The following LUZP2 variants were observed in gnomAD, a reference collection of about 807,000 sequenced individuals.
The protein encoded by LUZP2 is leucine zipper protein 2.
LUZP2 carries 52 observed loss-of-function variants against 51.6 expected under a neutral mutation model. The observed-to-expected ratio is 1.01, with a 90% CI of 0.81 to 1.27. The LOEUF is 1.27. Among genes scored for constraint, LUZP2 ranks in the 50% most tolerant of loss-of-function variants. The probability of loss-of-function intolerance (pLI) is 0.00; values close to 1 mark genes in which losing one functional copy is unlikely to be tolerated. For synonymous variants in LUZP2, 154 were observed against 137.3 expected (o/e 1.12, Z -0.85); for missense variants, 436 against 395.4 (o/e 1.10, Z -0.87).
chr11:24,616,921 A>G (rs1286252746), intron 1 of LUZP2, among the ~76,000 whole-genome samples: 2 of 152,216 alleles, frequency 1.3e-5, no homozygotes, highest in Non-Finnish European at 2.9e-5. Flanking sequence ...GGCACACAGC[A>G]TGGTAAATCT....
chr11:24,877,740 C>T (rs1000633589), intron 5 of LUZP2, among the ~76,000 whole-genome samples: 4 of 152,136 alleles, frequency 2.6e-5, no homozygotes, highest in African/African-American at 9.7e-5. Context: ...CTCCCTCTCA[C>T]ATCACTCCCA....
intron 1 of LUZP2, among the ~76,000 whole-genome samples, chr11:24,631,395 T>C (rs1201011891): frequency 1.4e-5 from 2 of 140,594 alleles, no homozygotes; most frequent in African/African-American, 5.2e-5. Context: ...TTTTCTTTAT[T>C]GTTTTTTTTT....
At chr11:24,658,204 A>G (rs1855881248) in intron 1 of LUZP2, among the ~76,000 whole-genome samples, 2 of 152,242 alleles carry the variant, frequency 1.3e-5, no homozygotes, top group South Asian at 2.1e-4. Flanking sequence ...CCAAACCAGC[A>G]TGGTACTGGT....
In LUZP2 at chr11:24,915,675, T is replaced by A. The variant is rs564234200; in HGVS notation, c.522+1137T>A. Among the ~76,000 whole-genome samples, 5 of 151,932 alleles carry A rather than the reference T, an allele frequency of 3.3e-5. No homozygotes were observed. The South Asian group carries it at 8.3e-4, about 25-fold the overall frequency. ...GACAGATAGATAGATAGATGATAGA[T>A]AGATAGATGGATAGATAGATAGATA... On this transcript the variant is annotated intron_variant, in intron 7 of 11. Coordinates refer to ENST00000336930, the MANE Select transcript of LUZP2 (RefSeq NM_001009909.4).
intron 7 of LUZP2, among the ~76,000 whole-genome samples, chr11:24,958,586 T>A (rs1004310666): frequency 1.8e-4 from 27 of 152,188 alleles, no homozygotes; most frequent in African/African-American, 6.0e-4. Context: ...CTTCACCCAC[T>A]TTTTGATGGG....
intron 1 of LUZP2, among the ~76,000 whole-genome samples, chr11:24,640,101 C>T (rs1205279462): frequency 6.6e-6 from 1 of 151,832 alleles, no homozygotes; most frequent in Admixed American, 6.6e-5. Context: ...TTTTTGACAT[C>T]TGTATTTCAA....
At chr11:24,588,243 G>A (rs947243010) in intron 1 of LUZP2, among the ~76,000 whole-genome samples, 1 of 151,868 alleles carries the variant, frequency 6.6e-6, no homozygotes, top group Non-Finnish European at 1.5e-5. Context: ...ATCATAGATC[G>A]TGCAGTTCAC....
intron 5 of LUZP2, among the ~76,000 whole-genome samples, chr11:24,884,402 G>A (rs1852600850): frequency 6.6e-6 from 1 of 151,958 alleles, no homozygotes; most frequent in Non-Finnish European, 1.5e-5. Context: ...AGAATACCTG[G>A]CACAAAGTAA....
At chr11:24,610,838 A>T (rs1854094138) in intron 1 of LUZP2, among the ~76,000 whole-genome samples, 1 of 152,076 alleles carries the variant, frequency 6.6e-6, no homozygotes, top group Non-Finnish European at 1.5e-5. Flanking sequence ...CCAGCTACTC[A>T]AGAGACTGAG....
chr11:24,677,178 A>G (rs890136214), intron 1 of LUZP2, among the ~76,000 whole-genome samples: 1 of 152,180 alleles, frequency 6.6e-6, no homozygotes, highest in South Asian at 2.1e-4. Context: ...GCTGCCTGGC[A>G]CTATTGTAAC....
At chr11:24,940,948 T>A (rs1854730398) in intron 7 of LUZP2, among the ~76,000 whole-genome samples, 1 of 152,208 alleles carries the variant, frequency 6.6e-6, no homozygotes. Context: ...ACTTTTGTTT[T>A]GTTTTGTTTT....
At chr11:25,018,795 G>A (rs976156181) in intron 9 of LUZP2, among the ~76,000 whole-genome samples, 7 of 151,602 alleles carry the variant, frequency 4.6e-5, no homozygotes, top group Admixed American at 4.6e-4. Context: ...TTTAGTAGAG[G>A]TGGGGTTTTG....
At chr11:24,798,873 G>A (rs1488068717) in intron 5 of LUZP2, among the ~76,000 whole-genome samples, 1 of 152,130 alleles carries the variant, frequency 6.6e-6, no homozygotes, top group African/African-American at 2.4e-5. Context: ...AGTGGCCAAA[G>A]AAGTGCCACC....
At chr11:24,977,969 T>A (rs1216456117) in intron 8 of LUZP2, among the ~76,000 whole-genome samples, 2 of 151,612 alleles carry the variant, frequency 1.3e-5, no homozygotes, top group African/African-American at 4.8e-5. Context: ...ACCATTTATT[T>A]GCGAAAATTA....
intron 5 of LUZP2, among the ~76,000 whole-genome samples, chr11:24,898,663 G>T (rs959379519): frequency 6.6e-6 from 1 of 151,996 alleles, no homozygotes; most frequent in South Asian, 2.1e-4. Flanking sequence ...AACCAGGGTG[G>T]GTCAGAGTGG....
chr11:24,541,257 G>GAAAAAAA (rs3077907), intron 1 of LUZP2, among the ~76,000 whole-genome samples: 1 of 114,208 alleles, frequency 8.8e-6, no homozygotes, highest in Admixed American at 1.0e-4. Flanking sequence ...TCATCTCAAG[G>GAAAAAAA]AAAAAAAAAA....
At chr11:24,557,518 A>G (rs1775948642) in intron 1 of LUZP2, among the ~76,000 whole-genome samples, 1 of 152,180 alleles carries the variant, frequency 6.6e-6, no homozygotes, top group Non-Finnish European at 1.5e-5. Context: ...TGAGTGGACA[A>G]ACTATAATTA....
chr11:24,652,928 C>A (rs552996087), intron 1 of LUZP2, among the ~76,000 whole-genome samples: 1 of 151,716 alleles, frequency 6.6e-6, no homozygotes. Flanking sequence ...ATTTAAGTAA[C>A]CTTTATTGGA....
chr11:24,801,886 A>G (rs1247581608), intron 5 of LUZP2, among the ~76,000 whole-genome samples: 1 of 151,098 alleles, frequency 6.6e-6, no homozygotes, highest in African/African-American at 2.4e-5. Flanking sequence ...TTGTTCTGTC[A>G]TTTGCAAATA....
Sources: allele counts gnomAD v4.1 joint callset (sites outside exome capture counted in the v4.1 genomes callset), GRCh38; gene constraint gnomAD v4.1.1; transcripts MANE v1.5; gene names NCBI Gene and HGNC (gene_info 2026-07-23, HGNC 2026-07-21).